Variants in ATP6V0E1 observed in about 807,000 individuals in gnomAD.
ATP6V0E1 encodes ATPase H+ transporting V0 subunit e1.
Under a neutral mutation model 11.6 loss-of-function variants are expected in ATP6V0E1, and 4 were observed. The ratio of observed to expected loss-of-function variants is 0.35; its 90% CI spans 0.17 to 0.79. ATP6V0E1 has a LOEUF of 0.79. Among genes scored for constraint, ATP6V0E1 ranks in the 30% least tolerant of loss-of-function variants. The pLI, the probability that ATP6V0E1 is intolerant of heterozygous loss-of-function variation, is 0.54. For missense variants in ATP6V0E1, 105 were observed against 100.0 expected, an observed-to-expected ratio of 1.05 and a Z score of -0.21; for synonymous variants, 36 against 34.8, an observed-to-expected ratio of 1.04 and a Z score of -0.13.
At chr5:173,018,313 G>A (rs1365343481) in intron 2 of ATP6V0E1, among the ~76,000 whole-genome samples, 3 of 152,182 alleles carry the variant, frequency 2.0e-5, no homozygotes, top group African/African-American at 7.2e-5. Flanking sequence ...AAGTGGATGA[G>A]CATAAAGGTC....
chr5:173,005,956 A>G (rs1581629360), intron 2 of ATP6V0E1, among the ~76,000 whole-genome samples: 1 of 152,204 alleles, frequency 6.6e-6, no homozygotes. Flanking sequence ...CCATGTGGTC[A>G]GAAGATATAC....
intron 3 of ATP6V0E1, among the ~76,000 whole-genome samples, chr5:173,033,876 AAAG>A (rs1756701703): frequency 1.3e-5 from 2 of 152,112 alleles, no homozygotes; most frequent in Non-Finnish European, 2.9e-5. Flanking sequence ...AAACAAAAAA[AAAG>A]ATGGTGTTGA....
rs111446360 is a variant in ATP6V0E1, at chr5:172,988,878, A to G, written c.104+4914A>G. Among the ~76,000 whole-genome samples, 537 of 152,254 alleles carry G rather than the reference A, an allele frequency of 3.5e-3. 3 individuals carry two copies. Among genetic ancestry groups the G allele is most frequent in the African/African-American group, 0.012 (515 of 41,552 alleles). ...TAATTTTTGTATTTTTAGTAGAGGC[A>G]GGGTTTCACCATGTTGGCCAGGCTG... On this transcript the variant is annotated intron_variant, in intron 1 of 3. Transcript: ENST00000519374.
intron 2 of ATP6V0E1, among the ~76,000 whole-genome samples, chr5:172,997,859 G>A (rs1756091427): frequency 6.6e-6 from 1 of 152,024 alleles, no homozygotes; most frequent in Non-Finnish European, 1.5e-5. Flanking sequence ...GCTCACGCCT[G>A]TAATCCCACC....
chr5:173,032,263 TTA>T (rs1581638925), intron 3 of ATP6V0E1, among the ~76,000 whole-genome samples: 14 of 139,218 alleles, frequency 1.0e-4, no homozygotes, highest in African/African-American at 3.4e-4. Context: ...ATTTATTTAT[TTA>T]TTTATTTATT....
intron 2 of ATP6V0E1, among the ~76,000 whole-genome samples, chr5:173,013,876 A>G (rs573966829): frequency 6.6e-6 from 1 of 152,108 alleles, no homozygotes; most frequent in East Asian, 1.9e-4. Context: ...AAATATGGCC[A>G]TGCATGGTGG....
chr5:173,020,132 C>G, intron 2 of ATP6V0E1, 106 bp from the exon 3 acceptor site: 1 of 822,726 alleles, frequency 1.2e-6, no homozygotes, highest in Non-Finnish European at 2.0e-6. Context: ...GGTGTGAATG[C>G]AGTAGATTTA....
chr5:173,013,509 A>G (rs1202085308), intron 2 of ATP6V0E1, among the ~76,000 whole-genome samples: 1 of 145,400 alleles, frequency 6.9e-6, no homozygotes, highest in Non-Finnish European at 1.5e-5. Flanking sequence ...CGGCAGGCGG[A>G]GCTTGCAGTG....
rs373387700 is a variant in ATP6V0E1 at position 173,026,732 on chromosome 5, A to T, written c.*36+6365A>T. On this transcript the variant is annotated intron_variant, in intron 3 of 3. Transcript: ENST00000519374. ...CTATTACTGATAAAGCCACAGTGCC[A>T]TCCTATGCATATGCCATTTTCTGTT... 5.3e-4 allele frequency among the ~76,000 whole-genome samples: 81 copies of T among 152,302 alleles called. 1 individual carries two copies. In the South Asian group the frequency reaches 0.017, roughly 31 times the overall value.
intron 1 of ATP6V0E1, among the ~76,000 whole-genome samples, chr5:172,987,858 G>A (rs1755919766): frequency 6.6e-6 from 1 of 151,882 alleles, no homozygotes; most frequent in Admixed American, 6.6e-5. Context: ...GGACATAGGC[G>A]TGCACCACTA....
chr5:172,990,451 G>A (rs1448533980), intron 1 of ATP6V0E1, among the ~76,000 whole-genome samples: 2 of 152,142 alleles, frequency 1.3e-5, no homozygotes, highest in East Asian at 3.8e-4. Flanking sequence ...AGATGAGTTT[G>A]CCAGTTCAGT....
chr5:173,001,730 T>C (rs1756158435), intron 2 of ATP6V0E1, among the ~76,000 whole-genome samples: 1 of 151,620 alleles, frequency 6.6e-6, no homozygotes, highest in Non-Finnish European at 1.5e-5. Flanking sequence ...TTTTTTCTTT[T>C]CCCCCGAGAC....
chr5:173,008,858 C>CA (rs925729396), intron 2 of ATP6V0E1, among the ~76,000 whole-genome samples: 15 of 135,896 alleles, frequency 1.1e-4, no homozygotes, highest in African/African-American at 4.2e-4. Context: ...TTGCAGTGAG[C>CA]AGAGATTGGG....
At chr5:173,015,991 C>T (rs538923999) in intron 2 of ATP6V0E1, among the ~76,000 whole-genome samples, 7 of 152,018 alleles carry the variant, frequency 4.6e-5, no homozygotes, top group Admixed American at 6.6e-5. Flanking sequence ...CTCCCAGTGT[C>T]GAGATTACAG....
At chr5:173,015,039 C>T (rs1756382331) in intron 2 of ATP6V0E1, among the ~76,000 whole-genome samples, 1 of 152,218 alleles carries the variant, frequency 6.6e-6, no homozygotes. Flanking sequence ...TGAACTTAAT[C>T]AGTGCTCAGT....
chr5:173,022,071 A>G lies in ATP6V0E1; in HGVS notation c.*36+1704A>G, dbSNP rs372430917. Among the ~76,000 whole-genome samples, 5 of 152,314 alleles carry G rather than the reference A, an allele frequency of 3.3e-5. No homozygotes were observed. The East Asian group carries it at 7.7e-4, about 24-fold the overall frequency. Reference sequence around the variant, plus strand: ...AATCAGTCTTAAGGTTGCAGCTTCTATTTGTCCTGAGGGTCAGAGAGGTTA... The same window carrying G: ...AATCAGTCTTAAGGTTGCAGCTTCTGTTTGTCCTGAGGGTCAGAGAGGTTA... On this transcript the variant is annotated intron_variant, in intron 3 of 3. Coordinates refer to ENST00000519374, the MANE Select transcript of ATP6V0E1 (RefSeq NM_003945.4).
At chr5:172,987,535 C>T (rs528205252) in intron 1 of ATP6V0E1, among the ~76,000 whole-genome samples, 3 of 152,106 alleles carry the variant, frequency 2.0e-5, no homozygotes, top group Non-Finnish European at 4.4e-5. Flanking sequence ...CCGTCCGCCT[C>T]GGCCTCCCAA....
At chr5:173,013,376 C>T in intron 2 of ATP6V0E1, among the ~76,000 whole-genome samples, 1 of 151,780 alleles carries the variant, frequency 6.6e-6, no homozygotes, top group Non-Finnish European at 1.5e-5. Context: ...GAGATCGAGA[C>T]CATCCTGGCT....
At chr5:172,990,438 C>T (rs1237752832) in intron 1 of ATP6V0E1, among the ~76,000 whole-genome samples, 2 of 152,160 alleles carry the variant, frequency 1.3e-5, no homozygotes, top group Non-Finnish European at 2.9e-5. Context: ...GGAAAGAGCG[C>T]AGAGATGAGT....
Sources: allele counts gnomAD v4.1 joint callset (sites outside exome capture counted in the v4.1 genomes callset), GRCh38; gene constraint gnomAD v4.1.1; transcripts MANE v1.5; gene names NCBI Gene and HGNC (gene_info 2026-07-23, HGNC 2026-07-21).